LRRN3: variants seen among roughly 807,000 people sequenced by gnomAD.
The protein encoded by LRRN3 is leucine rich repeat neuronal 3, also known as leucine-rich repeat neuronal protein 3.
A neutral mutation model predicts 40.1 loss-of-function variants in LRRN3; 15 were observed. The ratio of observed to expected loss-of-function variants is 0.37; its 90% CI spans 0.25 to 0.58. The LOEUF is 0.58. Ranked by LOEUF, LRRN3 falls within the 20% of genes least tolerant of loss-of-function variation. The pLI is 0.72. For synonymous variants in LRRN3, 308 were observed against 297.2 expected (o/e 1.04, Z -0.37); for missense variants, 746 against 837.7 (o/e 0.89, Z 1.35).
intron 2 of LRRN3, among the ~76,000 whole-genome samples, chr7:111,101,105 C>G (rs2129580087): frequency 6.6e-6 from 1 of 151,580 alleles, no homozygotes; most frequent in South Asian, 2.1e-4. Context: ...CCCATTTAAG[C>G]ATGGTGCTTT....
chr7:111,114,619 C>T (rs1026087380), intron 2 of LRRN3, among the ~76,000 whole-genome samples: 1 of 151,350 alleles, frequency 6.6e-6, no homozygotes, highest in Non-Finnish European at 1.5e-5. Flanking sequence ...GCCTGTAATC[C>T]CAGCCACTTG....
At chr7:111,117,795 G>T (rs904646019) in intron 2 of LRRN3, among the ~76,000 whole-genome samples, 2 of 152,062 alleles carry the variant, frequency 1.3e-5, no homozygotes, top group Admixed American at 1.3e-4. Flanking sequence ...AGGAAAAACT[G>T]GGTTTTAATG....
In LRRN3 at chr7:111,122,838, T is replaced by C. The variant is rs1030594878; in HGVS notation, c.66T>C (p.Ala22=). Residue 22 remains alanine (A), a synonymous_variant, in exon 3 of 3, where the codon GCT becomes GCC. Coordinates refer to ENST00000308478, the MANE Select transcript of LRRN3 (RefSeq NM_001099658.2). The part of the protein sequence containing the change: ...LGLAITTLVQ[A]VDKKVDCPRL... ...TAGCTATCACTACACTAGTACAAGC[T>C]GTAGATAAAAAAGTGGATTGTCCAC... 6.2e-7 allele frequency: 1 copy of C among 1,613,996 alleles called. No individual in the cohort carries two copies. The highest frequency in any genetic ancestry group is 8.5e-7 in the Non-Finnish European group (1 of 1,179,930).
chr7:111,124,274 T>C lies in LRRN3; in HGVS notation c.1502T>C (p.Leu501Pro). Residue 501 changes from leucine (L) to proline (P), a missense_variant, in exon 3 of 3, where the codon CTA (leucine) becomes CCA (proline). Physicochemically the swap from Leu to Pro is moderately conservative, Grantham distance 98. Coordinates refer to ENST00000308478, the MANE Select transcript of LRRN3 (RefSeq NM_001099658.2). ...TTATATACTTGTATAGCAACTAACCTAGTTGGCGCTGACTTGAAGTCTGTT... is the reference window on the plus strand; with the variant it reads ...TTATATACTTGTATAGCAACTAACCCAGTTGGCGCTGACTTGAAGTCTGTT... ...GGLYTCIATN[L>P]VGADLKSVMI... 1 of 1,614,008 alleles carries C rather than the reference T, an allele frequency of 6.2e-7. No homozygotes were observed.
intron 2 of LRRN3, among the ~76,000 whole-genome samples, chr7:111,113,482 T>A (rs1265987909): frequency 1.3e-5 from 2 of 152,268 alleles, no homozygotes; most frequent in African/African-American, 4.8e-5. Context: ...AGCATACTTG[T>A]GCCTGTTCAT....
chr7:111,121,136 C>T (rs1800557874), intron 2 of LRRN3, among the ~76,000 whole-genome samples: 3 of 152,198 alleles, frequency 2.0e-5, no homozygotes, highest in Non-Finnish European at 2.9e-5. Context: ...TTAAATTTCT[C>T]AGCCTGCCCA....
rs1001964361 is a variant in LRRN3, at chr7:111,100,267, T to A, written c.-359+305T>A. 7.3e-5 allele frequency among the ~76,000 whole-genome samples: 11 copies of A among 151,506 alleles called. No homozygotes were observed. In the South Asian group the frequency reaches 2.3e-3, roughly 31 times the overall value. Reference sequence around the variant, plus strand: ...ACACTGTACCCAATGCCTTATCACATATTTCTTAGAATAAGCATAATATAT... The same window carrying A: ...ACACTGTACCCAATGCCTTATCACAAATTTCTTAGAATAAGCATAATATAT... On this transcript the variant is annotated intron_variant, in intron 2 of 2. Transcript: ENST00000308478.
At chr7:111,108,582 G>A (rs910248263) in intron 2 of LRRN3, among the ~76,000 whole-genome samples, 1 of 152,074 alleles carries the variant, frequency 6.6e-6, no homozygotes, top group Non-Finnish European at 1.5e-5. Flanking sequence ...GAGATATAAT[G>A]AGAGTAGACA....
chr7:111,125,263 C>T lies in LRRN3; in HGVS notation c.*364C>T, dbSNP rs1326798448. 34 of 182,390 alleles carry T rather than the reference C, an allele frequency of 1.9e-4. No homozygotes were observed. In the Admixed American group the frequency reaches 2.0e-3, roughly 11 times the overall value. 11.3% of individuals were successfully genotyped at this position (182,390 alleles called of 1,614,324 possible). On this transcript the variant is annotated 3_prime_UTR_variant, in exon 3 of 3. Coordinates refer to ENST00000308478, the MANE Select transcript of LRRN3 (RefSeq NM_001099658.2). ...CAATACCTCCTCCTGTGTTGTATTA[C>T]ACATATTAGCCACGAGTTTTTGCAG...
At chr7:111,101,613 T>C (rs1586269589) in intron 2 of LRRN3, among the ~76,000 whole-genome samples, 1 of 151,384 alleles carries the variant, frequency 6.6e-6, no homozygotes, top group Admixed American at 6.6e-5. Flanking sequence ...ACAGGTACAA[T>C]AGGTATACTG....
chr7:111,111,591 AT>A (rs2129583748), intron 2 of LRRN3, among the ~76,000 whole-genome samples: 1 of 152,244 alleles, frequency 6.6e-6, no homozygotes, highest in African/African-American at 2.4e-5. Context: ...GTCAAATATT[AT>A]AAACACATTA....
chr7:111,124,336 A>G lies in LRRN3; in HGVS notation c.1564A>G (p.Asn522Asp). 6.2e-7 allele frequency: 1 copy of G among 1,613,780 alleles called. No homozygotes were observed. The highest frequency in any genetic ancestry group is 1.1e-5 in the South Asian group (1 of 91,068). Residue 522 changes from asparagine (N) to aspartate (D), a missense_variant, in exon 3 of 3, where the codon AAT becomes GAT. By Grantham distance (23) the Asn-to-Asp change is conservative. Transcript: ENST00000308478. Reference protein sequence around the residue: ...KVDGSFPQDNNGSLNIKIRDI... With the variant: ...KVDGSFPQDNDGSLNIKIRDI... ...GGATGGATCTTTTCCACAAGATAAC[A>G]ATGGCTCTTTGAATATTAAAATAAG...
intron 1 of LRRN3, among the ~76,000 whole-genome samples, chr7:111,092,483 G>T (rs909712877): frequency 6.6e-6 from 1 of 152,080 alleles, no homozygotes; most frequent in Non-Finnish European, 1.5e-5. Context: ...GAGTAGAACC[G>T]TCCTAATTTA....
At position 111,123,788 on chromosome 7, in the gene LRRN3, T is replaced by C; in HGVS notation, c.1016T>C (p.Leu339Pro). ...AFFRLPKLES[L>P]MLNSNALSAL... is the part of the protein sequence containing the mutation. ...TTCAGACTCCCCAAGCTGGAATCAC[T>C]CATGCTGAACAGCAATGCTCTCAGT... Residue 339 changes from leucine to proline, a missense_variant, in exon 3 of 3, where the codon CTC becomes CCC. Physicochemically the swap from Leu to Pro is moderately conservative, Grantham distance 98. Transcript: ENST00000308478. This position sits in a 1 kb window ranked among gnomAD's most constrained non-coding sequence, Gnocchi z 6.4. The C allele has an allele frequency of 6.2e-7, 1 of 1,613,996 alleles. No homozygotes were observed. The highest frequency in any genetic ancestry group is 8.5e-7 in the Non-Finnish European group (1 of 1,179,972).
Position 111,122,740 on chromosome 7 carries a change from G to A in LRRN3, c.-33G>A. ...CTAGCACTGACTGTGGAATCCTTAA[G>A]GGCCCATTACATTTCTGAAGAAGAA... On this transcript the variant is annotated 5_prime_UTR_variant, in exon 3 of 3. Transcript: ENST00000308478. The A allele has an allele frequency of 5.8e-6, 9 of 1,550,228 alleles. No homozygotes were observed. Among genetic ancestry groups the A allele is most frequent in the Non-Finnish European group, 7.9e-6 (9 of 1,134,344 alleles).
intron 2 of LRRN3, among the ~76,000 whole-genome samples, chr7:111,111,353 T>A (rs113510660): frequency 1.4e-5 from 2 of 147,266 alleles, no homozygotes; most frequent in African/African-American, 5.0e-5. Context: ...ACATTGCCCA[T>A]TAACAAAAAT....
intron 2 of LRRN3, among the ~76,000 whole-genome samples, chr7:111,105,615 A>T (rs553825830): frequency 6.6e-6 from 1 of 152,002 alleles, no homozygotes; most frequent in East Asian, 1.9e-4. Context: ...AGAAACAAAT[A>T]CAACATGTAT....
intron 1 of LRRN3, among the ~76,000 whole-genome samples, chr7:111,095,899 C>A (rs1797349410): frequency 6.6e-6 from 1 of 151,898 alleles, no homozygotes; most frequent in South Asian, 2.1e-4. Flanking sequence ...CTCTCTCCCT[C>A]CCCTACCCCA....
intron 2 of LRRN3, among the ~76,000 whole-genome samples, chr7:111,111,942 GTT>G (rs748410980): frequency 0.016 from 1,325 of 83,762 alleles, 4 homozygotes; most frequent in African/African-American, 0.062. Context: ...TATATAGTTT[GTT>G]TTTTTTTTTT....
Sources: allele counts gnomAD v4.1 joint callset (sites outside exome capture counted in the v4.1 genomes callset), GRCh38; gene constraint gnomAD v4.1.1; non-coding constraint Gnocchi (gnomAD v3.1); transcripts MANE v1.5; gene names NCBI Gene and HGNC (gene_info 2026-07-23, HGNC 2026-07-21).